The following DGKB variants were observed in gnomAD, a reference collection of about 807,000 sequenced individuals.
The protein encoded by DGKB is diacylglycerol kinase beta.
In DGKB, 67 loss-of-function variants were observed where a neutral mutation model predicts 114.3. The ratio of observed to expected loss-of-function variants is 0.59; its 90% confidence interval spans 0.48 to 0.72. The LOEUF (loss-of-function observed/expected upper bound fraction) is 0.72. DGKB is among the 30% of genes least tolerant of loss of function. DGKB has a pLI of 0.00. For missense variants in DGKB, 907 were observed against 975.2 expected (o/e 0.93, Z 0.93); for synonymous variants, 398 against 323.1 (o/e 1.23, Z -2.49).
intron 20 of DGKB, among the ~76,000 whole-genome samples, chr7:14,554,102 G>A (rs1795530764): frequency 6.6e-6 from 1 of 151,884 alleles, no homozygotes; most frequent in Admixed American, 6.6e-5. Flanking sequence ...TCGATCTCCT[G>A]ACCTCGTGAT....
At chr7:14,199,702 G>C (rs923658367) in intron 23 of DGKB, among the ~76,000 whole-genome samples, 4 of 151,998 alleles carry the variant, frequency 2.6e-5, no homozygotes, top group Admixed American at 6.6e-5. Context: ...TGGGCAAGTG[G>C]CAGTGCACTA....
chr7:14,180,597 T>G (rs571119652), intron 23 of DGKB, among the ~76,000 whole-genome samples: 1 of 152,292 alleles, frequency 6.6e-6, no homozygotes, highest in East Asian at 1.9e-4. Flanking sequence ...TCCTTTTAAT[T>G]AGGCATTCAG....
chr7:14,210,070 GT>G (rs1390550665), intron 23 of DGKB, among the ~76,000 whole-genome samples: 1 of 152,060 alleles, frequency 6.6e-6, no homozygotes. Flanking sequence ...GAACATCTGT[GT>G]TGGGGGGATT....
At chr7:14,301,852 G>A (rs1803614702) in intron 23 of DGKB, among the ~76,000 whole-genome samples, 1 of 152,114 alleles carries the variant, frequency 6.6e-6, no homozygotes, top group African/African-American at 2.4e-5. Context: ...CAAGTGTACA[G>A]TGCTTTTGTC....
At chr7:14,465,965 G>C (rs1000679499) in intron 21 of DGKB, among the ~76,000 whole-genome samples, 1 of 151,874 alleles carries the variant, frequency 6.6e-6, no homozygotes, top group African/African-American at 2.4e-5. Context: ...ATTTGCATGA[G>C]TTGGAAGTAG....
At position 14,816,454 on chromosome 7, in the gene DGKB, T is replaced by C. The variant is rs186934239; in HGVS notation, c.70+24740A>G. On this transcript the variant is annotated intron_variant, in intron 2 of 25. Coordinates refer to ENST00000402815, the MANE Select transcript of DGKB (RefSeq NM_001350709.2). ...TCTCCATGTTGAATCCTGGAAGTTA[T>C]TGAAACAATCCTTGATCATTGCTTT... 8.3e-4 allele frequency: 127 copies of C among 152,392 alleles called. 2 individuals are homozygous for C. The highest frequency in any genetic ancestry group is 1.3e-4 in the Non-Finnish European group (9 of 68,044). The allele number at this position is 152,392 out of a possible 1,614,324, so 9.4% of individuals were successfully genotyped here.
At chr7:14,167,210 C>CAAAAAAAAAAA (rs34278386) in intron 25 of DGKB, among the ~76,000 whole-genome samples, 1 of 99,392 alleles carries the variant, frequency 1.0e-5, no homozygotes, top group Non-Finnish European at 1.9e-5. Context: ...GACTCCATCT[C>CAAAAAAAAAAA]AAAAAAAAAA....
At chr7:14,203,810 T>G (rs2128293144) in intron 23 of DGKB, among the ~76,000 whole-genome samples, 1 of 152,106 alleles carries the variant, frequency 6.6e-6, no homozygotes, top group African/African-American at 2.4e-5. Flanking sequence ...TGAGATATAT[T>G]TTGGTGACCA....
chr7:14,653,315 C>T (rs1815009272), intron 13 of DGKB, among the ~76,000 whole-genome samples: 1 of 151,924 alleles, frequency 6.6e-6, no homozygotes, highest in South Asian at 2.1e-4. Flanking sequence ...CCATGGAATA[C>T]TATGCAGCCA....
intron 20 of DGKB, among the ~76,000 whole-genome samples, chr7:14,509,853 A>G (rs574301652): frequency 6.6e-6 from 1 of 152,282 alleles, no homozygotes; most frequent in Admixed American, 6.5e-5. Context: ...TGAGTCACAC[A>G]AAATTTTCTA....
chr7:14,683,507 A>G (rs1368266819), intron 10 of DGKB, among the ~76,000 whole-genome samples: 1 of 152,148 alleles, frequency 6.6e-6, no homozygotes, highest in African/African-American at 2.4e-5. Flanking sequence ...TATATATATA[A>G]TACGTGTCAG....
At chr7:14,562,916 C>T (rs935744028) in intron 20 of DGKB, among the ~76,000 whole-genome samples, 6 of 152,006 alleles carry the variant, frequency 3.9e-5, no homozygotes, top group Admixed American at 3.9e-4. Flanking sequence ...TTGGGAGGGA[C>T]CAATAGTGGG....
At chr7:14,319,649 C>G (rs1313371387) in intron 23 of DGKB, among the ~76,000 whole-genome samples, 1 of 152,048 alleles carries the variant, frequency 6.6e-6, no homozygotes, top group African/African-American at 2.4e-5. Context: ...GCTAATTGGG[C>G]TAGATGAGCA....
At chr7:14,838,825 C>G (rs1847517140) in intron 2 of DGKB, among the ~76,000 whole-genome samples, 1 of 152,146 alleles carries the variant, frequency 6.6e-6, no homozygotes, top group African/African-American at 2.4e-5. Flanking sequence ...TCAAGTACGG[C>G]ATATTTTGAT....
chr7:14,395,690 A>G (rs927445358), intron 21 of DGKB, among the ~76,000 whole-genome samples: 2 of 151,904 alleles, frequency 1.3e-5, no homozygotes, highest in Non-Finnish European at 2.9e-5. Flanking sequence ...GTATTCTGAC[A>G]TATTAAATCT....
intron 2 of DGKB, among the ~76,000 whole-genome samples, chr7:14,789,387 G>A (rs1840343994): frequency 6.6e-6 from 1 of 151,998 alleles, no homozygotes; most frequent in Non-Finnish European, 1.5e-5. Flanking sequence ...TTTCAAAAAT[G>A]CTATGTGCAT....
intron 13 of DGKB, among the ~76,000 whole-genome samples, chr7:14,638,033 T>G (rs1419935517): frequency 6.6e-6 from 1 of 152,126 alleles, no homozygotes; most frequent in African/African-American, 2.4e-5. Flanking sequence ...AAAACTATAT[T>G]GCTTAAATTA....
At chr7:14,768,636 A>G (rs1455222118) in intron 2 of DGKB, among the ~76,000 whole-genome samples, 1 of 151,536 alleles carries the variant, frequency 6.6e-6, no homozygotes, top group Non-Finnish European at 1.5e-5. Context: ...TACTCTAAAA[A>G]TAATCATTTG....
chr7:14,158,736 A>G (rs1783417014), intron 25 of DGKB, among the ~76,000 whole-genome samples: 1 of 152,186 alleles, frequency 6.6e-6, no homozygotes, highest in African/African-American at 2.4e-5. Flanking sequence ...ATTCAGTTGA[A>G]ATAGTACTGG....
Sources: allele counts gnomAD v4.1 joint callset (sites outside exome capture counted in the v4.1 genomes callset), GRCh38; gene constraint gnomAD v4.1.1; transcripts MANE v1.5; gene names NCBI Gene and HGNC (gene_info 2026-07-23, HGNC 2026-07-21).